The following LMBR1 variants were observed in gnomAD, a reference collection of about 807,000 sequenced individuals.
LMBR1 encodes the protein limb development membrane protein 1.
LMBR1 carries 52 observed loss-of-function variants against 73.9 expected under a neutral mutation model. The ratio of observed to expected loss-of-function variants is 0.70; its 90% confidence interval spans 0.56 to 0.89. LMBR1 has a LOEUF of 0.89. Among genes scored for constraint, LMBR1 ranks in the 40% least tolerant of loss-of-function variants. The pLI, the probability that LMBR1 is intolerant of heterozygous loss-of-function variation, is 0.00. For missense variants in LMBR1, 539 were observed against 579.8 expected (o/e 0.93, Z 0.72); for synonymous variants, 215 against 209.4 (o/e 1.03, Z -0.23).
intron 15 of LMBR1, among the ~76,000 whole-genome samples, chr7:156,696,520 A>T (rs1808314705): frequency 6.6e-6 from 1 of 152,236 alleles, no homozygotes. Context: ...TCACAGTTCC[A>T]TATGGCTAGG....
At chr7:156,842,695 A>C (rs1023032839) in intron 1 of LMBR1, among the ~76,000 whole-genome samples, 1 of 152,210 alleles carries the variant, frequency 6.6e-6, no homozygotes, top group African/African-American at 2.4e-5. Context: ...ATGGGAGAAC[A>C]AATGGAGCAA....
At chr7:156,814,964 C>G (rs1554531351) in intron 4 of LMBR1, among the ~76,000 whole-genome samples, 1 of 151,978 alleles carries the variant, frequency 6.6e-6, no homozygotes, top group Non-Finnish European at 1.5e-5. Context: ...CGAGACCACC[C>G]TGACCAATAT....
intron 6 of LMBR1, 55 bp downstream of exon 6, chr7:156,763,614 T>C (rs1296102497): frequency 2.0e-6 from 3 of 1,476,252 alleles, no homozygotes; most frequent in East Asian, 2.6e-5. Flanking sequence ...TGTGTAATTA[T>C]ATCCCAAACT....
chr7:156,841,461 C>G (rs1189313988), intron 1 of LMBR1, among the ~76,000 whole-genome samples: 1 of 152,078 alleles, frequency 6.6e-6, no homozygotes, highest in Non-Finnish European at 1.5e-5. Flanking sequence ...GAAGAGAAGT[C>G]TGAGAATAGA....
chr7:156,812,888 T>C (rs1286975963), intron 4 of LMBR1, among the ~76,000 whole-genome samples: 1 of 152,164 alleles, frequency 6.6e-6, no homozygotes, highest in Non-Finnish European at 1.5e-5. Flanking sequence ...CAGCTCCACC[T>C]GGGTTCCCCC....
rs988296734 is a variant in LMBR1 at position 156,677,940 on chromosome 7, C to T, written c.*6138G>A. Reference sequence around the variant, plus strand: ...TAAGCTGACATCTCTCTCCCCATAGCGTTGACAGGCAAAGCACAGGCACGT... The same window carrying T: ...TAAGCTGACATCTCTCTCCCCATAGTGTTGACAGGCAAAGCACAGGCACGT... On this transcript the variant is annotated 3_prime_UTR_variant, in exon 17 of 17. Coordinates refer to ENST00000353442, the MANE Select transcript of LMBR1 (RefSeq NM_022458.4). 7.9e-5 allele frequency: 12 copies of T among 152,186 alleles called. No individual in the cohort carries two copies. The highest frequency in any genetic ancestry group is 2.2e-4 in the African/African-American group (9 of 41,452). 9.4% of individuals were successfully genotyped at this position (152,186 alleles called of 1,614,324 possible). A position where few individuals can be genotyped will look rare whatever the true frequency, so the allele number is the denominator to read the frequency against.
intron 1 of LMBR1, among the ~76,000 whole-genome samples, chr7:156,842,431 C>T (rs570758828): frequency 4.3e-5 from 6 of 140,544 alleles, no homozygotes; most frequent in South Asian, 4.4e-4. Flanking sequence ...AGGAATAACA[C>T]GTTTTAAGAC....
At chr7:156,751,464 T>C (rs1030622267) in intron 9 of LMBR1, among the ~76,000 whole-genome samples, 9 of 152,174 alleles carry the variant, frequency 5.9e-5, no homozygotes, top group African/African-American at 1.4e-4. Flanking sequence ...GCAAGGACTC[T>C]TGCTGTTATC....
chr7:156,809,936 T>C (rs1041742471), intron 4 of LMBR1, among the ~76,000 whole-genome samples: 2 of 152,186 alleles, frequency 1.3e-5, no homozygotes, highest in African/African-American at 4.8e-5. Context: ...AATTTTGAAA[T>C]GTTTCTGCCA....
downstream of LMBR1, among the ~76,000 whole-genome samples, chr7:156,673,084 C>G (rs186455375): frequency 9.5e-4 from 145 of 152,328 alleles, no homozygotes; most frequent in African/African-American, 3.0e-3. Context: ...GAATAAACAC[C>G]CAGATCATAT....
chr7:156,725,337 C>CT (rs1377002594), intron 14 of LMBR1, 98 bp downstream of exon 14: 1 of 689,870 alleles, frequency 1.4e-6, no homozygotes, highest in Non-Finnish European at 2.5e-6. Flanking sequence ...AAACAAATAC[C>CT]TATCACTGCA....
chr7:156,743,532 C>G (rs1819290329), intron 9 of LMBR1, among the ~76,000 whole-genome samples: 1 of 152,174 alleles, frequency 6.6e-6, no homozygotes, highest in Non-Finnish European at 1.5e-5. Flanking sequence ...TTTCCAGCAG[C>G]TCAACAGTGA....
chr7:156,806,768 T>C (rs1832199649), intron 4 of LMBR1, among the ~76,000 whole-genome samples: 2 of 152,004 alleles, frequency 1.3e-5, no homozygotes, highest in Admixed American at 1.3e-4. Context: ...CACACCACCA[T>C]GCCCAGTTAA....
chr7:156,791,931 A>G lies in LMBR1; in HGVS notation c.423+4458T>C, dbSNP rs77295788. Among the ~76,000 whole-genome samples, 1,333 of 152,356 alleles carry G rather than the reference A, an allele frequency of 8.7e-3. 21 individuals are homozygous for G. Among genetic ancestry groups the G allele is most frequent in the Middle Eastern group, 0.037 (11 of 294 alleles). On this transcript the variant is annotated intron_variant, in intron 5 of 16. Transcript: ENST00000353442. ...TCTTGGGTTTATGAATTAATCTGTC[A>G]TAAATTTTACATAACAATCATATGG...
At chr7:156,842,067 G>A (rs139917480) in intron 1 of LMBR1, among the ~76,000 whole-genome samples, 5 of 150,886 alleles carry the variant, frequency 3.3e-5, no homozygotes, top group East Asian at 1.9e-4. Context: ...AGGTAGTTAC[G>A]TGTGGTGAAA....
At chr7:156,803,067 T>C (rs954393461) in intron 4 of LMBR1, among the ~76,000 whole-genome samples, 34 of 152,228 alleles carry the variant, frequency 2.2e-4, no homozygotes, top group African/African-American at 6.5e-4. Context: ...ACCCTAGGCA[T>C]TACCATTCAG....
intron 2 of LMBR1, 112 bp from the exon 3 acceptor site, chr7:156,833,904 A>G (rs1837146187): frequency 7.3e-6 from 5 of 683,982 alleles, no homozygotes; most frequent in Non-Finnish European, 9.6e-6. Context: ...TTGAACAGAA[A>G]CAATTTTCAA....
intron 4 of LMBR1, among the ~76,000 whole-genome samples, chr7:156,803,144 G>A (rs920764279): frequency 1.3e-5 from 2 of 152,100 alleles, no homozygotes; most frequent in African/African-American, 4.8e-5. Context: ...AGCCAAAATT[G>A]ACAAATGGGA....
intron 15 of LMBR1, among the ~76,000 whole-genome samples, chr7:156,699,832 C>G (rs996045041): frequency 2.0e-5 from 3 of 152,130 alleles, no homozygotes; most frequent in African/African-American, 7.2e-5. Flanking sequence ...CAGAGAAATG[C>G]AAATCAAAAC....
Sources: allele counts gnomAD v4.1 joint callset (sites outside exome capture counted in the v4.1 genomes callset), GRCh38; gene constraint gnomAD v4.1.1; transcripts MANE v1.5; gene names NCBI Gene and HGNC (gene_info 2026-07-23, HGNC 2026-07-21).